STYXL1: variants seen among roughly 807,000 people sequenced by gnomAD.
STYXL1 encodes serine/threonine/tyrosine-interacting-like protein 1.
A neutral mutation model predicts 36.4 loss-of-function variants in STYXL1; 32 were observed. The observed-to-expected ratio is 0.88, with a 90% CI of 0.66 to 1.18. The LOEUF (loss-of-function observed/expected upper bound fraction) is 1.18, where lower values mean the gene tolerates loss of function less well. Ranked by LOEUF, STYXL1 falls within the 50% of genes most tolerant of loss-of-function variation. STYXL1 has a pLI of 0.00. For missense variants in STYXL1, 354 were observed against 394.1 expected (o/e 0.90, Z 0.86); for synonymous variants, 133 against 144.1 (o/e 0.92, Z 0.55).
intron 8 of STYXL1, 41 bp from the exon 9 acceptor site, chr7:75,996,640 C>A: frequency 6.2e-7 from 1 of 1,602,090 alleles, no homozygotes; most frequent in Non-Finnish European, 8.5e-7. Flanking sequence ...ACGATTGGTC[C>A]TGGGCCCTTT....
At chr7:76,019,203 AAG>A (rs1793747266) in intron 4 of STYXL1, among the ~76,000 whole-genome samples, 1 of 152,216 alleles carries the variant, frequency 6.6e-6, no homozygotes, top group African/African-American at 2.4e-5. Context: ...CTGGCCCAGA[AAG>A]AGAAATAGTG....
intron 1 of STYXL1, among the ~76,000 whole-genome samples, chr7:76,032,260 T>C (rs1585312287): frequency 6.7e-6 from 1 of 150,128 alleles, no homozygotes; most frequent in African/African-American, 2.5e-5. Flanking sequence ...ACTAGCCAGG[T>C]GTGGTGGCAC....
chr7:76,030,486 T>C lies in STYXL1; in HGVS notation c.38A>G (p.Tyr13Cys). ...GLLLCEPTELYNILNQATKLS... is the reference protein window; with the variant it reads ...GLLLCEPTELCNILNQATKLS... ...TTTTGTGGCCTGATTCAGGATGTTG[T>C]AAAGCTCTGTTGGTTCACATAAAAG... The change falls in exon 2 of 9, where the codon TAC becomes TGC. Residue 13 changes from tyrosine (Y) to cysteine (C), a missense_variant. Tyr to Cys is a radical substitution (Grantham distance 194, BLOSUM62 -2). Coordinates refer to ENST00000359697, the MANE Select transcript of STYXL1 (RefSeq NM_001317785.2). 6.2e-7 allele frequency: 1 copy of C among 1,613,998 alleles called. No homozygotes were observed. Among genetic ancestry groups the C allele is most frequent in the Non-Finnish European group, 8.5e-7 (1 of 1,179,870 alleles).
At chr7:76,013,669 C>CG in intron 5 of STYXL1, 73 bp downstream of exon 5, 1 of 1,598,774 alleles carries the variant, frequency 6.3e-7, no homozygotes, top group Non-Finnish European at 8.6e-7. Flanking sequence ...TTCTCCCACT[C>CG]AGTCACCCAC....
chr7:76,003,439 A>G (rs1554568531), intron 7 of STYXL1, among the ~76,000 whole-genome samples: 1 of 152,198 alleles, frequency 6.6e-6, no homozygotes, highest in East Asian at 1.9e-4. Flanking sequence ...AGCCTCCATG[A>G]GCATGTGCAC....
chr7:76,019,204 A>C (rs1793746837), intron 4 of STYXL1, among the ~76,000 whole-genome samples: 1 of 152,212 alleles, frequency 6.6e-6, no homozygotes. Context: ...TGGCCCAGAA[A>C]GAGAAATAGT....
At chr7:76,021,230 T>C (rs903707179) in intron 4 of STYXL1, among the ~76,000 whole-genome samples, 25 of 152,220 alleles carry the variant, frequency 1.6e-4, no homozygotes, top group South Asian at 4.1e-4. Context: ...TACAGGCGCC[T>C]GCCACCATGC....
At chr7:76,046,339 T>TGCGCGC (rs60118008) in intron 1 of STYXL1, among the ~76,000 whole-genome samples, 20 of 44,896 alleles carry the variant, frequency 4.5e-4, no homozygotes, top group African/African-American at 1.0e-3. Context: ...TGTGTGTGTG[T>TGCGCGC]GCGCGCGCGC....
intron 4 of STYXL1, among the ~76,000 whole-genome samples, chr7:76,018,995 GT>G (rs1793725510): frequency 6.6e-6 from 1 of 152,140 alleles, no homozygotes; most frequent in African/African-American, 2.4e-5. Flanking sequence ...ATTATCATCT[GT>G]CTCTTTGATT....
In STYXL1 at chr7:75,996,590, C is replaced by A; in HGVS notation, c.820G>T (p.Ala274Ser). Reference sequence around the variant, plus strand: ...TTGTTTTTGCACTTCTTGACATAGGCCCAGGACCTCTATGAATACAAAGAG... The same window carrying A: ...TTGTTTTTGCACTTCTTGACATAGGACCAGGACCTCTATGAATACAAAGAG... The part of the protein sequence containing the change: ...SNEQTLQRSW[A>S]YVKKCKNNMC... Residue 274 changes from alanine (A) to serine (S), a missense_variant, in exon 9 of 9, where the codon GCC becomes TCC. By Grantham distance (99) the Ala-to-Ser change is moderately conservative (BLOSUM62 1). Coordinates refer to ENST00000359697, the MANE Select transcript of STYXL1 (RefSeq NM_001317785.2). 1 of 1,614,152 alleles carries A rather than the reference C, an allele frequency of 6.2e-7. No homozygotes were observed. Among genetic ancestry groups the A allele is most frequent in the Non-Finnish European group, 8.5e-7 (1 of 1,180,008 alleles).
chr7:76,026,530 C>T (rs2116218672), intron 3 of STYXL1, among the ~76,000 whole-genome samples: 1 of 152,270 alleles, frequency 6.6e-6, no homozygotes, highest in South Asian at 2.1e-4. Context: ...AATCCTCCTG[C>T]TTCGGCCAAC....
At position 76,012,894 on chromosome 7, in the gene STYXL1, A is replaced by C. The variant is rs1164286960; in HGVS notation, c.453+848T>G. Among the ~76,000 whole-genome samples the C allele has an allele frequency of 2.6e-5, 4 of 152,332 alleles. No individual in the cohort carries two copies. In the East Asian group the frequency reaches 7.7e-4, roughly 29 times the overall value. ...ATCCAGCTAGGATTTGTGGAATCAG[A>C]CAGCCAAGAAAAAAGAGGTGGTCTC... On this transcript the variant is annotated intron_variant, in intron 5 of 8. Coordinates refer to ENST00000359697, the MANE Select transcript of STYXL1 (RefSeq NM_001317785.2).
intron 7 of STYXL1, among the ~76,000 whole-genome samples, chr7:76,002,648 G>T (rs1173363748): frequency 6.6e-6 from 1 of 152,238 alleles, no homozygotes; most frequent in African/African-American, 2.4e-5. Context: ...TTGGGGCTGG[G>T]TGTGGTGGCT....
intron 5 of STYXL1, among the ~76,000 whole-genome samples, chr7:76,011,295 A>G (rs1792525427): frequency 6.6e-6 from 1 of 152,068 alleles, no homozygotes; most frequent in South Asian, 2.1e-4. Flanking sequence ...CTGCCTTCTC[A>G]CCTCACCCCA....
chr7:76,016,478 TAC>T (rs1554574043), intron 4 of STYXL1, among the ~76,000 whole-genome samples: 1 of 150,890 alleles, frequency 6.6e-6, no homozygotes, highest in African/African-American at 2.5e-5. Context: ...CGCATATATA[TAC>T]ACGTATATAT....
At chr7:75,999,525 G>GTA (rs1790574034) in intron 8 of STYXL1, among the ~76,000 whole-genome samples, 4 of 128,646 alleles carry the variant, frequency 3.1e-5, no homozygotes, top group South Asian at 5.2e-4. Flanking sequence ...GTGTGTGTGT[G>GTA]TGTGTGTGTG....
intron 8 of STYXL1, among the ~76,000 whole-genome samples, chr7:75,996,836 A>G (rs183653154): frequency 2.0e-5 from 3 of 152,346 alleles, no homozygotes; most frequent in Non-Finnish European, 2.9e-5. Flanking sequence ...AATAATTCCT[A>G]TTTCAAACAG....
chr7:76,005,886 G>GAGGAGAGAGGAAGAGC (rs1554570144), intron 5 of STYXL1, among the ~76,000 whole-genome samples: 3 of 110,936 alleles, frequency 2.7e-5, no homozygotes, highest in Admixed American at 1.7e-4. Flanking sequence ...GAGGAGAGAG[G>GAGGAGAGAGGAAGAGC]AGGAGGAGGA....
intron 4 of STYXL1, among the ~76,000 whole-genome samples, chr7:76,017,754 G>A (rs567522054): frequency 6.7e-6 from 1 of 149,636 alleles, no homozygotes; most frequent in Admixed American, 6.8e-5. Flanking sequence ...GGGTGGGGTG[G>A]TGCGCACCTG....
Sources: gnomAD v4.1 joint callset for allele counts (sites outside exome capture counted in the v4.1 genomes callset) on GRCh38, gnomAD v4.1.1 for gene constraint, MANE v1.5 for transcripts, NCBI Gene and HGNC (gene_info 2026-07-23, HGNC 2026-07-21) for gene names.